The following SAMD5 variants were observed in gnomAD, a reference collection of about 807,000 sequenced individuals.
SAMD5 encodes sterile alpha motif domain containing 5.
Under a neutral mutation model 11.3 loss-of-function variants are expected in SAMD5, and 13 were observed. The ratio of observed to expected loss-of-function variants is 1.15; its 90% CI spans 0.75 to 1.83. The LOEUF is 1.83. Ranked by LOEUF, SAMD5 falls within the 40% of genes most tolerant of loss-of-function variation. The pLI is 0.00. For synonymous variants in SAMD5, 129 were observed against 111.3 expected (o/e 1.16, Z -1.00); for missense variants, 255 against 239.1 (o/e 1.07, Z -0.44).
chr6:147,850,527 G>A, the SAMD5 span, among the ~76,000 whole-genome samples: 8 of 152,006 alleles, frequency 5.3e-5, no homozygotes, highest in East Asian at 1.9e-4. Flanking sequence ...GGCACTTTTC[G>A]CCTTAAGAAA....
chr6:147,645,555 T>C (rs951820905), intron 1 of SAMD5, among the ~76,000 whole-genome samples: 5 of 152,190 alleles, frequency 3.3e-5, no homozygotes, highest in African/African-American at 1.2e-4. Flanking sequence ...AAAGAGCAAG[T>C]TACATTGAAT....
chr6:147,519,732 A>T (rs1429353947), intron 1 of SAMD5, among the ~76,000 whole-genome samples: 1 of 152,208 alleles, frequency 6.6e-6, no homozygotes, highest in Non-Finnish European at 1.5e-5. Context: ...GGGGCCTCTG[A>T]ATTAACTTCC....
the SAMD5 span, among the ~76,000 whole-genome samples, chr6:147,900,828 AC>A: frequency 1.3e-5 from 2 of 152,188 alleles, no homozygotes; most frequent in African/African-American, 2.4e-5. Flanking sequence ...AAAAGCATAA[AC>A]TTTTAGCCTG....
intron 1 of SAMD5, among the ~76,000 whole-genome samples, chr6:147,636,168 A>G (rs933889654): frequency 2.6e-5 from 4 of 152,148 alleles, no homozygotes; most frequent in Admixed American, 1.3e-4. Flanking sequence ...AGACACGATA[A>G]AATCTGGTAA....
At position 147,554,844 on chromosome 6, in the gene SAMD5, G is replaced by C. The variant is rs377179865; in HGVS notation, c.460-9550G>C. On this transcript the variant is annotated intron_variant, in intron 1 of 1. Coordinates refer to ENST00000367474, the MANE Select transcript of SAMD5 (RefSeq NM_001030060.3). ...TGCCTACCTTAACTTCTTGTATCCAGAAGTGGTATAGAGCAGTAGTTCTCA... is the reference window on the plus strand; with the variant it reads ...TGCCTACCTTAACTTCTTGTATCCACAAGTGGTATAGAGCAGTAGTTCTCA... Among the ~76,000 whole-genome samples, 13 of 152,312 alleles carry C rather than the reference G, an allele frequency of 8.5e-5. No homozygotes were observed. In the East Asian group the frequency reaches 1.9e-3, roughly 23 times the overall value.
chr6:147,639,906 G>T (rs12665669), intron 1 of SAMD5, among the ~76,000 whole-genome samples: 13,485 of 151,944 alleles, frequency 0.089, 894 homozygotes, highest in East Asian at 0.26. Context: ...ATTAGAACAG[G>T]TTGCCACTGA....
chr6:147,673,718 A>T (rs1402676810), intron 1 of SAMD5, among the ~76,000 whole-genome samples: 2 of 152,196 alleles, frequency 1.3e-5, no homozygotes, highest in African/African-American at 4.8e-5. Flanking sequence ...TTAAAAGAAA[A>T]AATTAAGAAC....
chr6:147,612,981 T>C lies in SAMD5; in HGVS notation c.162+103594T>C, dbSNP rs145257587. 1.5e-3 allele frequency among the ~76,000 whole-genome samples: 226 copies of C among 152,140 alleles called. 1 individual carries two copies. Among genetic ancestry groups the C allele is most frequent in the Non-Finnish European group, 2.3e-3 (153 of 67,990 alleles). On this transcript the variant is annotated intron_variant, in intron 1 of 1. Coordinates refer to the SAMD5 transcript ENST00000566741. ...TGGGAGGCCTAGGCGGGTAGATCAGTTGAGGTCAGGAATTCGAGACCAGCC... is the reference window on the plus strand; with the variant it reads ...TGGGAGGCCTAGGCGGGTAGATCAGCTGAGGTCAGGAATTCGAGACCAGCC...
chr6:147,934,267 T>C, the SAMD5 span, among the ~76,000 whole-genome samples: 2 of 148,866 alleles, frequency 1.3e-5, no homozygotes, highest in Admixed American at 1.3e-4. Flanking sequence ...ATATTACAAC[T>C]TTGAAAAAAA....
chr6:147,756,463 G>A, the SAMD5 span, among the ~76,000 whole-genome samples: 3 of 152,084 alleles, frequency 2.0e-5, no homozygotes, highest in Admixed American at 6.6e-5. Context: ...TTAAAAAGTG[G>A]TTTTTAAGGT....
At chr6:147,826,989 G>A in the SAMD5 span, among the ~76,000 whole-genome samples, 36 of 152,188 alleles carry the variant, frequency 2.4e-4, no homozygotes, top group African/African-American at 7.7e-4. Context: ...TCCTACACCC[G>A]CAAGGATATC....
chr6:147,941,059 G>T, the SAMD5 span, among the ~76,000 whole-genome samples: 1 of 152,048 alleles, frequency 6.6e-6, no homozygotes, highest in African/African-American at 2.4e-5. Flanking sequence ...CATCTTTCTT[G>T]AATGTTTACT....
rs778967681 is a variant in SAMD5 at position 147,509,414 on chromosome 6, G to A, written c.459+27G>A. The stretch of plus-strand genomic sequence containing the variant: ...TAAGGAGGTGCCGTCCGGGCGGCCC[G>A]GGGCGCGCGGCGGGAGGGGACACAG... On this transcript the variant is annotated intron_variant, in intron 1 of 1. Transcript: ENST00000367474. 738 of 1,495,570 alleles carry A rather than the reference G, an allele frequency of 4.9e-4. 1 individual carries two copies. Among genetic ancestry groups the A allele is most frequent in the Non-Finnish European group, 6.4e-4 (719 of 1,122,146 alleles). 92.6% of individuals were successfully genotyped at this position (1,495,570 alleles called of 1,614,324 possible). A position where few individuals can be genotyped will look rare whatever the true frequency, so the allele number is the denominator to read the frequency against.
rs1239942421 is a variant in SAMD5 at position 147,565,858 on chromosome 6, C to T, written c.*1402C>T. The T allele has an allele frequency of 3.0e-6, 3 of 985,190 alleles. No individual in the cohort carries two copies. Among genetic ancestry groups the T allele is most frequent in the African/African-American group, 3.5e-5 (2 of 57,226 alleles). 61.0% of individuals were successfully genotyped at this position (985,190 alleles called of 1,614,324 possible). ...AGCCATGGCAAAAGATGTTGACGTA[C>T]AACTGGCTCCTGAGGCTGTCAATTG... On this transcript the variant is annotated 3_prime_UTR_variant, in exon 2 of 2. Coordinates refer to ENST00000367474, the MANE Select transcript of SAMD5 (RefSeq NM_001030060.3).
the SAMD5 span, among the ~76,000 whole-genome samples, chr6:147,819,128 C>CTTAAA: frequency 6.6e-6 from 1 of 152,126 alleles, no homozygotes; most frequent in African/African-American, 2.4e-5. Context: ...ACATATACAC[C>CTTAAA]ATGGGATACT....
chr6:147,764,812 G>A, the SAMD5 span, among the ~76,000 whole-genome samples: 1 of 152,046 alleles, frequency 6.6e-6, no homozygotes, highest in African/African-American at 2.4e-5. Context: ...TGCATATCAT[G>A]TACATGGATA....
chr6:147,878,509 TTTA>T, the SAMD5 span, among the ~76,000 whole-genome samples: 1 of 150,656 alleles, frequency 6.6e-6, no homozygotes, highest in African/African-American at 2.4e-5. Flanking sequence ...AATGACATAG[TTTA>T]TTATTAGTAG....
chr6:147,758,874 G>A, the SAMD5 span, among the ~76,000 whole-genome samples: 1 of 152,070 alleles, frequency 6.6e-6, no homozygotes, highest in African/African-American at 2.4e-5. Context: ...CTGTAAGAAT[G>A]GGGGGTACTC....
At chr6:147,695,609 T>C (rs1271476750) in intron 1 of SAMD5, among the ~76,000 whole-genome samples, 1 of 152,238 alleles carries the variant, frequency 6.6e-6, no homozygotes, top group Non-Finnish European at 1.5e-5. Context: ...TGTTATTCCA[T>C]TCACTTATTC....
Sources: gnomAD v4.1 joint callset for allele counts (sites outside exome capture counted in the v4.1 genomes callset) on GRCh38, gnomAD v4.1.1 for gene constraint, MANE v1.5 for transcripts, NCBI Gene and HGNC (gene_info 2026-07-23, HGNC 2026-07-21) for gene names.